AFAP1L2: variants seen among roughly 807,000 people sequenced by gnomAD.
AFAP1L2 encodes actin filament-associated protein 1-like 2.
In AFAP1L2, 46 loss-of-function variants were observed where a neutral mutation model predicts 99.3. That is an observed-to-expected ratio of 0.46 (90% CI 0.37 to 0.59). The LOEUF (loss-of-function observed/expected upper bound fraction) is 0.59, where lower values mean the gene tolerates loss of function less well. AFAP1L2 is among the 20% of genes least tolerant of loss of function. The probability of loss-of-function intolerance (pLI) is 0.00; values close to 1 mark genes in which losing one functional copy is unlikely to be tolerated. For synonymous variants in AFAP1L2, 397 were observed against 419.1 expected, an observed-to-expected ratio of 0.95 and a Z score of 0.64; for missense variants, 959 against 1,034.9, an observed-to-expected ratio of 0.93 and a Z score of 1.01.
chr10:114,325,292 G>A lies in AFAP1L2; in HGVS notation c.316-2031C>T, dbSNP rs141860571. 5.6e-3 allele frequency among the ~76,000 whole-genome samples: 849 copies of A among 152,282 alleles called. 2 individuals carry two copies. Among genetic ancestry groups the A allele is most frequent in the Non-Finnish European group, 8.3e-3 (564 of 68,020 alleles). ...AGGAGGCCATTGTTATCACTGTCTG[G>A]GGCCCCTCCACAGTCCCAGGGTCTG... On this transcript the variant is annotated intron_variant, in intron 4 of 18. Coordinates refer to ENST00000304129, the MANE Select transcript of AFAP1L2 (RefSeq NM_001001936.3).
At position 114,365,597 on chromosome 10, in the gene AFAP1L2, A is replaced by T. The variant is rs77050861; in HGVS notation, c.17-24866T>A. On this transcript the variant is annotated intron_variant, in intron 1 of 18. Transcript: ENST00000304129. ...GTCCCCTTCCTCAGTGATACTCCCC[A>T]TGAGGCTCATGGCCCCTACAAATGC... Among the ~76,000 whole-genome samples, 826 of 152,146 alleles carry T rather than the reference A, an allele frequency of 5.4e-3. 9 individuals are homozygous for T. The highest frequency in any genetic ancestry group is 0.02 in the Middle Eastern group (6 of 294).
At chr10:114,331,774 G>T in intron 4 of AFAP1L2, 29 bp downstream of exon 4, 1 of 1,320,454 alleles carries the variant, frequency 7.6e-7, no homozygotes. Flanking sequence ...TCACGTCAGG[G>T]AAATCAGGGG....
At chr10:114,282,645 C>T in the AFAP1L2 span, 1 of 1,343,000 alleles carries the variant, frequency 7.4e-7, no homozygotes, top group Non-Finnish European at 1.1e-6. Flanking sequence ...GTGGCTTTTA[C>T]AATCCTGGGA....
intron 1 of AFAP1L2, among the ~76,000 whole-genome samples, chr10:114,372,487 C>G (rs4751648): frequency 6.6e-6 from 1 of 151,964 alleles, no homozygotes; most frequent in African/African-American, 2.4e-5. Flanking sequence ...ATATCCACAA[C>G]AGGCCAAGGG....
chr10:114,388,940 G>T (rs2056827519), intron 1 of AFAP1L2, among the ~76,000 whole-genome samples: 1 of 152,236 alleles, frequency 6.6e-6, no homozygotes, highest in Non-Finnish European at 1.5e-5. Context: ...AGAACAGCTA[G>T]AAGGAAGAGG....
intron 1 of AFAP1L2, among the ~76,000 whole-genome samples, chr10:114,342,279 C>T (rs753952257): frequency 6.6e-6 from 1 of 152,068 alleles, no homozygotes; most frequent in Non-Finnish European, 1.5e-5. Context: ...AGGTGGGGAG[C>T]CCTCTCCTCC....
chr10:114,399,632 G>T (rs2058056167), intron 1 of AFAP1L2, among the ~76,000 whole-genome samples: 1 of 152,158 alleles, frequency 6.6e-6, no homozygotes, highest in African/African-American at 2.4e-5. Flanking sequence ...TGCAGAGGGT[G>T]GCTCTGGGCT....
chr10:114,316,474 C>A (rs1374561494), intron 5 of AFAP1L2, among the ~76,000 whole-genome samples: 1 of 152,220 alleles, frequency 6.6e-6, no homozygotes, highest in African/African-American at 2.4e-5. Context: ...TGCTTGCTCT[C>A]CCTCCCTGCC....
intron 1 of AFAP1L2, among the ~76,000 whole-genome samples, chr10:114,384,150 C>T (rs2056152252): frequency 6.6e-6 from 1 of 152,164 alleles, no homozygotes; most frequent in African/African-American, 2.4e-5. Context: ...AGGAGACATC[C>T]CATAAGGAAG....
In AFAP1L2 at chr10:114,301,391, A is replaced by G. The variant is rs776397927; in HGVS notation, c.1505T>C (p.Leu502Pro). Residue 502 changes from leucine (L) to proline (P), a missense_variant, in exon 13 of 19, where the codon CTG becomes CCG. Leu to Pro is a moderately conservative substitution (Grantham distance 98). Coordinates refer to ENST00000304129, the MANE Select transcript of AFAP1L2 (RefSeq NM_001001936.3). ...GLPSQDRQEE[L>P]YDDVDLSELT... The stretch of plus-strand genomic sequence containing the variant: ...CTCTGACAGGTCCACGTCGTCATAC[A>G]GCTCCTCCTGGCGGTCCTGGCTAGG... 6.2e-7 allele frequency: 1 copy of G among 1,614,248 alleles called. No individual in the cohort carries two copies. Among genetic ancestry groups the G allele is most frequent in the Non-Finnish European group, 8.5e-7 (1 of 1,180,044 alleles).
intron 4 of AFAP1L2, among the ~76,000 whole-genome samples, chr10:114,326,959 G>C (rs1473197558): frequency 1.3e-5 from 2 of 150,944 alleles, no homozygotes; most frequent in Non-Finnish European, 3.0e-5. Context: ...GTACAGAGGA[G>C]ACCATAGGGT....
downstream of AFAP1L2, chr10:114,291,087 C>T: frequency 9.5e-7 from 1 of 1,052,952 alleles, no homozygotes; most frequent in Non-Finnish European, 1.4e-6. Flanking sequence ...GGTCTCTAAT[C>T]TGGCATCTTC....
At chr10:114,282,338 A>G in the AFAP1L2 span, among the ~76,000 whole-genome samples, 4 of 152,138 alleles carry the variant, frequency 2.6e-5, no homozygotes, top group Admixed American at 6.5e-5. Context: ...AGTTTGAAAC[A>G]TTCCCTACTC....
chr10:114,284,560 G>A, the AFAP1L2 span, among the ~76,000 whole-genome samples: 5 of 152,190 alleles, frequency 3.3e-5, no homozygotes, highest in African/African-American at 1.2e-4. Context: ...TCAGTCTTGA[G>A]GCACCCACAC....
chr10:114,291,465 C>T (rs954556577), downstream of AFAP1L2: 13 of 537,854 alleles, frequency 2.4e-5, no homozygotes, highest in East Asian at 3.4e-5. Context: ...CACCCACAAA[C>T]GATGTTGTTG....
chr10:114,329,911 G>C (rs1351880693), intron 4 of AFAP1L2, among the ~76,000 whole-genome samples: 1 of 152,196 alleles, frequency 6.6e-6, no homozygotes, highest in Non-Finnish European at 1.5e-5. Context: ...TTCCTCATAT[G>C]AAAAACAGTG....
chr10:114,381,728 A>G (rs1418239542), intron 1 of AFAP1L2, among the ~76,000 whole-genome samples: 1 of 152,178 alleles, frequency 6.6e-6, no homozygotes, highest in African/African-American at 2.4e-5. Flanking sequence ...AATATAAAAC[A>G]AGTCAAAAGA....
chr10:114,363,053 C>G, intron 1 of AFAP1L2: 9 of 985,406 alleles, frequency 9.1e-6, no homozygotes, highest in Non-Finnish European at 1.1e-5. Flanking sequence ...CCAGGCTGCT[C>G]TCCGCTGGGG....
intron 1 of AFAP1L2, among the ~76,000 whole-genome samples, chr10:114,360,941 A>G (rs994881455): frequency 6.6e-6 from 1 of 152,200 alleles, no homozygotes; most frequent in Non-Finnish European, 1.5e-5. Context: ...TGCTGCTGAT[A>G]AAGATATACC....
Sources: gnomAD v4.1 joint callset for allele counts (sites outside exome capture counted in the v4.1 genomes callset) on GRCh38, gnomAD v4.1.1 for gene constraint, MANE v1.5 for transcripts, NCBI Gene and HGNC (gene_info 2026-07-23, HGNC 2026-07-21) for gene names.